Variants in PHLDB2 observed in about 807,000 individuals in gnomAD.
PHLDB2 encodes pleckstrin homology like domain family B member 2.
PHLDB2 carries 71 observed loss-of-function variants against 123.6 expected under a neutral mutation model. The ratio of observed to expected loss-of-function variants is 0.57; its 90% CI spans 0.47 to 0.70. The LOEUF is 0.70. PHLDB2 is among the 30% of genes least tolerant of loss of function. PHLDB2 has a pLI of 0.00. For missense variants in PHLDB2, 1,446 were observed against 1,519.5 expected (o/e 0.95, Z 0.80); for synonymous variants, 547 against 541.6 (o/e 1.01, Z -0.14).
chr3:111,851,827 G>T (rs900494315), intron 2 of PHLDB2, among the ~76,000 whole-genome samples: 4 of 151,880 alleles, frequency 2.6e-5, no homozygotes, highest in Non-Finnish European at 5.9e-5. Flanking sequence ...CAGCACCCTA[G>T]ATCTTATCTC....
In PHLDB2 at chr3:111,884,557, T is replaced by C. The variant is rs1019382430; in HGVS notation, c.480T>C (p.Asn160=). 9.3e-6 allele frequency: 15 copies of C among 1,614,056 alleles called. No individual in the cohort carries two copies. Among genetic ancestry groups the C allele is most frequent in the Middle Eastern group, 1.7e-4 (1 of 6,060 alleles). Residue 160 remains asparagine (N), a synonymous_variant, in exon 2 of 18, where the codon AAT becomes AAC. Coordinates refer to ENST00000431670, the MANE Select transcript of PHLDB2 (RefSeq NM_001134438.2). ...GCTCAAGGCATAAATCGCATGACAA[T>C]GTCTACTCTCTTGGAGGGCTGGAAG... ...KYSSRHKSHD[N]VYSLGGLEGR...
chr3:111,757,987 C>A (rs1196533117), intron 1 of PHLDB2, among the ~76,000 whole-genome samples: 1 of 152,124 alleles, frequency 6.6e-6, no homozygotes. Flanking sequence ...AGTACCCGGC[C>A]GTGTGAGGTG....
chr3:111,955,879 G>A (rs1218192263), intron 12 of PHLDB2, among the ~76,000 whole-genome samples: 1 of 152,076 alleles, frequency 6.6e-6, no homozygotes, highest in Non-Finnish European at 1.5e-5. Context: ...AAAGAGGGTG[G>A]GATCACAAAT....
In PHLDB2 at chr3:111,960,058, A is replaced by G. The variant is rs900337733; in HGVS notation, c.2873-2050A>G. The G allele has an allele frequency of 3.0e-5, 13 of 437,366 alleles. No homozygotes were observed. In the Admixed American group the frequency reaches 5.8e-4, roughly 19 times the overall value. The allele number at this position is 437,366 out of a possible 1,614,324, so 27.1% of individuals were successfully genotyped here. A position where few individuals can be genotyped will look rare whatever the true frequency, so the allele number is the denominator to read the frequency against. ...GCCACAAGCCTTTTTTTGAAATCAT[A>G]AGAAAATATACGTGTGTGAGCTTTT... is the stretch of plus-strand genomic sequence containing the variant. On this transcript the variant is annotated intron_variant, in intron 12 of 17. Transcript: ENST00000431670.
intron 1 of PHLDB2, among the ~76,000 whole-genome samples, chr3:111,804,367 T>C (rs2061491122): frequency 6.6e-6 from 1 of 152,222 alleles, no homozygotes; most frequent in Non-Finnish European, 1.5e-5. Flanking sequence ...CATCATCTCT[T>C]AACTATTAGA....
chr3:111,737,190 C>T (rs1293648949), intron 1 of PHLDB2, among the ~76,000 whole-genome samples: 2 of 152,182 alleles, frequency 1.3e-5, no homozygotes, highest in Non-Finnish European at 2.9e-5. Flanking sequence ...GTCCGGGAGC[C>T]CTGCATCAGC....
chr3:111,952,747 C>T (rs983770073), intron 11 of PHLDB2, 35 bp downstream of exon 11: 2 of 1,597,648 alleles, frequency 1.3e-6, no homozygotes, highest in Non-Finnish European at 8.5e-7. Context: ...CTTCCCATTC[C>T]ATGAGTCTTC....
intron 5 of PHLDB2, among the ~76,000 whole-genome samples, chr3:111,929,081 A>G (rs777802812): frequency 2.6e-5 from 4 of 152,152 alleles, no homozygotes; most frequent in African/African-American, 4.8e-5. Context: ...GGGAAACATA[A>G]TGAGACCCCC....
chr3:111,818,463 C>A (rs1307777050), intron 1 of PHLDB2, among the ~76,000 whole-genome samples: 1 of 152,134 alleles, frequency 6.6e-6, no homozygotes, highest in Non-Finnish European at 1.5e-5. Context: ...AAATCTTCTA[C>A]TTAACTGTAT....
At chr3:111,776,462 G>A (rs1024963045) in intron 1 of PHLDB2, among the ~76,000 whole-genome samples, 6 of 152,030 alleles carry the variant, frequency 3.9e-5, no homozygotes, top group African/African-American at 1.2e-4. Flanking sequence ...CTAACTGAGT[G>A]CACGTTCCTA....
intron 2 of PHLDB2, among the ~76,000 whole-genome samples, chr3:111,891,396 A>G (rs1349812621): frequency 6.6e-6 from 1 of 151,926 alleles, no homozygotes; most frequent in Non-Finnish European, 1.5e-5. Flanking sequence ...CATGAACACT[A>G]TTGTGAACTG....
At chr3:111,970,940 A>G (rs1486180870) in intron 16 of PHLDB2, among the ~76,000 whole-genome samples, 4 of 152,194 alleles carry the variant, frequency 2.6e-5, no homozygotes, top group Non-Finnish European at 5.9e-5. Flanking sequence ...TGTGGAAGAA[A>G]GGAAAGAGTG....
intron 1 of PHLDB2, among the ~76,000 whole-genome samples, chr3:111,755,629 G>A (rs1258167756): frequency 6.9e-6 from 1 of 145,310 alleles, no homozygotes; most frequent in South Asian, 2.2e-4. Flanking sequence ...TTGTTTGAAG[G>A]GTTTTTTGTG....
At chr3:111,841,656 A>C (rs762155219) in intron 1 of PHLDB2, among the ~76,000 whole-genome samples, 18 of 152,190 alleles carry the variant, frequency 1.2e-4, no homozygotes, top group Non-Finnish European at 2.4e-4. Flanking sequence ...ACATCAGGAA[A>C]TCACTCTGTA....
At chr3:111,844,578 A>G (rs1193752970) in intron 1 of PHLDB2, among the ~76,000 whole-genome samples, 1 of 152,212 alleles carries the variant, frequency 6.6e-6, no homozygotes, top group Non-Finnish European at 1.5e-5. Flanking sequence ...TTAGTTTCTT[A>G]GCATCTCTCC....
intron 2 of PHLDB2, among the ~76,000 whole-genome samples, chr3:111,848,116 C>T (rs962941340): frequency 6.6e-6 from 1 of 152,120 alleles, no homozygotes; most frequent in Non-Finnish European, 1.5e-5. Context: ...ATTCCTAAAC[C>T]TTCCTTCTTT....
At chr3:111,791,390 A>G (rs2060918095) in intron 1 of PHLDB2, among the ~76,000 whole-genome samples, 1 of 152,210 alleles carries the variant, frequency 6.6e-6, no homozygotes, top group Non-Finnish European at 1.5e-5. Context: ...ACACTTTCTT[A>G]TCCAAGGACT....
intron 2 of PHLDB2, among the ~76,000 whole-genome samples, chr3:111,888,010 G>T (rs2066273509): frequency 6.6e-6 from 1 of 152,076 alleles, no homozygotes; most frequent in Non-Finnish European, 1.5e-5. Context: ...GTTATTTATG[G>T]TTAATTTAAC....
In PHLDB2 at chr3:111,973,755, G is replaced by A; in HGVS notation, c.3559G>A (p.Gly1187Arg). ...AGACAAGCATGAAACTAAATTGAAA[G>A]GAGTAATATACTTTCAAGCCATTGA... ...YADKHETKLKGVIYFQAIEEV... is the reference protein window; with the variant it reads ...YADKHETKLKRVIYFQAIEEV... Residue 1187 changes from glycine (G) to arginine (R), a missense_variant, in exon 17 of 18, where the codon GGA (glycine) becomes AGA (arginine). Gly to Arg is a moderately radical substitution (Grantham distance 125). Around this residue, in one of 3 missense-constraint regions of PHLDB2, gnomAD observed 594 missense variants for 646.0 expected, o/e 0.92. Coordinates refer to ENST00000431670, the MANE Select transcript of PHLDB2 (RefSeq NM_001134438.2). 5 of 1,600,356 alleles carry A rather than the reference G, an allele frequency of 3.1e-6. No homozygotes were observed. The highest frequency in any genetic ancestry group is 1.1e-5 in the South Asian group (1 of 88,182).
Sources: gnomAD v4.1 joint callset for allele counts (sites outside exome capture counted in the v4.1 genomes callset) on GRCh38, gnomAD v4.1.1 for gene constraint, gnomAD v4.1.1 regional missense constraint, MANE v1.5 for transcripts, NCBI Gene and HGNC (gene_info 2026-07-23, HGNC 2026-07-21) for gene names.